The following CEP85L variants were observed in gnomAD, a reference collection of about 807,000 sequenced individuals.
CEP85L encodes centrosomal protein 85L, also known as centrosomal protein of 85 kDa-like.
A neutral mutation model predicts 100.3 loss-of-function variants in CEP85L; 60 were observed. The observed-to-expected ratio is 0.60, with a 90% confidence interval of 0.49 to 0.74. The LOEUF is 0.74. Ranked by LOEUF, CEP85L falls within the 30% of genes least tolerant of loss-of-function variation. CEP85L has a pLI of 0.00. For synonymous variants in CEP85L, 319 were observed against 322.7 expected (o/e 0.99, Z 0.12); for missense variants, 973 against 936.2 (o/e 1.04, Z -0.51).
chr6:118,611,377 A>G (rs187835998), intron 2 of CEP85L, among the ~76,000 whole-genome samples: 138 of 152,352 alleles, frequency 9.1e-4, no homozygotes, highest in Non-Finnish European at 1.8e-3. Flanking sequence ...TAGAAGAACT[A>G]TACAAAGAGA....
chr6:118,581,024 A>C (rs1215695345), intron 2 of CEP85L, among the ~76,000 whole-genome samples: 2 of 152,102 alleles, frequency 1.3e-5, no homozygotes, highest in Non-Finnish European at 2.9e-5. Flanking sequence ...ACCTAGAGGA[A>C]ACAGAAATCC....
At chr6:118,587,633 C>T (rs945891839) in intron 2 of CEP85L, among the ~76,000 whole-genome samples, 2 of 152,056 alleles carry the variant, frequency 1.3e-5, no homozygotes, top group Admixed American at 6.5e-5. Context: ...GAATTCCAGA[C>T]CCTTGTATGA....
At chr6:118,493,793 A>C (rs1456503891) in intron 5 of CEP85L, among the ~76,000 whole-genome samples, 1 of 152,198 alleles carries the variant, frequency 6.6e-6, no homozygotes, top group Non-Finnish European at 1.5e-5. Context: ...GATATACTTA[A>C]TATAATTAGA....
At chr6:118,530,954 T>C (rs1313593585) in intron 3 of CEP85L, among the ~76,000 whole-genome samples, 2 of 152,082 alleles carry the variant, frequency 1.3e-5, no homozygotes, top group African/African-American at 4.8e-5. Context: ...ACAGATTCAA[T>C]GTTATTCCTA....
At chr6:118,567,209 ATGTGTGTGTGTG>A (rs68047463) in intron 2 of CEP85L, among the ~76,000 whole-genome samples, 3,672 of 88,172 alleles carry the variant, frequency 0.042, 108 homozygotes, top group East Asian at 0.076. Flanking sequence ...ATATATATGT[ATGTGTGTGTGTG>A]TGTGTGTGTG....
chr6:118,477,914 T>G (rs1473408444), intron 10 of CEP85L, among the ~76,000 whole-genome samples: 1 of 152,126 alleles, frequency 6.6e-6, no homozygotes, highest in East Asian at 1.9e-4. Context: ...TGTGTTATTT[T>G]GGATAGGCAA....
At chr6:118,498,641 G>A (rs1775080614) in intron 5 of CEP85L, among the ~76,000 whole-genome samples, 1 of 144,354 alleles carries the variant, frequency 6.9e-6, no homozygotes, top group Non-Finnish European at 1.5e-5. Context: ...AGGAAAAAGG[G>A]AGGAAAGGGA....
chr6:118,517,599 C>T lies in CEP85L; in HGVS notation c.1140-6184G>A, dbSNP rs180930143. Among the ~76,000 whole-genome samples, 459 of 152,328 alleles carry T rather than the reference C, an allele frequency of 3.0e-3. 1 individual carries two copies. Among genetic ancestry groups the T allele is most frequent in the Non-Finnish European group, 5.3e-3 (358 of 68,036 alleles). ...TGCACATTGATTTTGTATCCTGAGACTTTGCTAAAGTTGCTTATCGGCTCA... is the reference window on the plus strand; with the variant it reads ...TGCACATTGATTTTGTATCCTGAGATTTTGCTAAAGTTGCTTATCGGCTCA... On this transcript the variant is annotated intron_variant, in intron 4 of 12. Coordinates refer to ENST00000368491, the MANE Select transcript of CEP85L (RefSeq NM_001042475.3).
At chr6:118,588,096 C>T (rs1780972563) in intron 2 of CEP85L, among the ~76,000 whole-genome samples, 1 of 152,182 alleles carries the variant, frequency 6.6e-6, no homozygotes, top group Admixed American at 6.5e-5. Flanking sequence ...TGGGGACATC[C>T]CTAACTTAGC....
At chr6:118,671,735 C>T (rs748770965) in intron 1 of CEP85L, among the ~76,000 whole-genome samples, 4 of 152,028 alleles carry the variant, frequency 2.6e-5, no homozygotes, top group African/African-American at 7.2e-5. Context: ...GTCAGGAGTT[C>T]GACACCAGCC....
intron 2 of CEP85L, among the ~76,000 whole-genome samples, chr6:118,572,550 G>A (rs1041338226): frequency 1.3e-5 from 2 of 151,060 alleles, no homozygotes; most frequent in African/African-American, 4.9e-5. Flanking sequence ...CCAGTCTGGA[G>A]ACAGAGCGAG....
At chr6:118,592,453 G>A (rs1382549869) in intron 2 of CEP85L, among the ~76,000 whole-genome samples, 2 of 150,084 alleles carry the variant, frequency 1.3e-5, no homozygotes, top group African/African-American at 4.9e-5. Context: ...AAAATTTTAT[G>A]AGAGATATTT....
intron 2 of CEP85L, among the ~76,000 whole-genome samples, chr6:118,572,478 A>G (rs192406858): frequency 1.3e-3 from 196 of 151,980 alleles, no homozygotes; most frequent in African/African-American, 4.4e-3. Flanking sequence ...AGGCTGAGGC[A>G]GGAGATTCAC....
chr6:118,581,425 AT>A (rs928358303), intron 2 of CEP85L, among the ~76,000 whole-genome samples: 15 of 150,550 alleles, frequency 1.0e-4, no homozygotes, highest in African/African-American at 1.7e-4. Flanking sequence ...CCTGAGATCC[AT>A]TTTTTTTTAG....
chr6:118,519,466 GTGT>G (rs1776496538), intron 4 of CEP85L, among the ~76,000 whole-genome samples: 3 of 63,180 alleles, frequency 4.7e-5, no homozygotes, highest in Non-Finnish European at 6.7e-5. Flanking sequence ...GTGTGTGTGT[GTGT>G]GTGTGGCGGG....
At chr6:118,638,123 A>G (rs1774626260) in intron 1 of CEP85L, among the ~76,000 whole-genome samples, 1 of 152,022 alleles carries the variant, frequency 6.6e-6, no homozygotes, top group South Asian at 2.1e-4. Flanking sequence ...ACATGCCTGT[A>G]ATACCAGCTA....
rs769425298 is a variant in CEP85L at position 118,632,546 on chromosome 6, A to G, written c.139T>C (p.Ser47Pro). The G allele has an allele frequency of 1.9e-6, 3 of 1,613,426 alleles. No individual in the cohort carries two copies. The highest frequency in any genetic ancestry group is 2.2e-5 in the East Asian group (1 of 44,854). ...ESLWQATTVP[S>P]NHRNNHIRRH... ...CTGATATGGTTATTTCGATGGTTAG[A>G]TGGAACAGTTGTGGCCTGCCACAAT... Residue 47 changes from serine (S) to proline (P), a missense_variant, in exon 2 of 13, where the codon TCT becomes CCT. Physicochemically the swap from Ser to Pro is moderately conservative, Grantham distance 74. Coordinates refer to ENST00000368491, the MANE Select transcript of CEP85L (RefSeq NM_001042475.3).
chr6:118,614,223 A>T (rs1772861753), intron 2 of CEP85L, among the ~76,000 whole-genome samples: 1 of 152,240 alleles, frequency 6.6e-6, no homozygotes, highest in Non-Finnish European at 1.5e-5. Flanking sequence ...AAGTGCCCTC[A>T]AATTGATAAA....
chr6:118,636,127 T>C (rs1774478073), intron 1 of CEP85L, among the ~76,000 whole-genome samples: 1 of 152,232 alleles, frequency 6.6e-6, no homozygotes, highest in Non-Finnish European at 1.5e-5. Flanking sequence ...AATAAAACTT[T>C]ATTTACAAAA....
Sources: allele counts gnomAD v4.1 joint callset (sites outside exome capture counted in the v4.1 genomes callset), GRCh38; gene constraint gnomAD v4.1.1; transcripts MANE v1.5; gene names NCBI Gene and HGNC (gene_info 2026-07-23, HGNC 2026-07-21).